The following RNF186 variants were observed in gnomAD, a reference collection of about 807,000 sequenced individuals.
The protein encoded by RNF186 is E3 ubiquitin-protein ligase RNF186.
For missense variants in RNF186, 298 were observed against 298.5 expected, an observed-to-expected ratio of 1.00 and a Z score of 0.01; for synonymous variants, 152 against 133.5, an observed-to-expected ratio of 1.14 and a Z score of -0.96.
Position 19,814,431 on chromosome 1 carries a change from G to A in RNF186, c.671C>T (p.Ser224Phe). ...FCREQKHSHI[S>F]SIA is the part of the protein sequence containing the mutation. ...ATCAGAGGGCACTCAGGCAATGGAA[G>A]AGATGTGGCTGTGTTTCTGCTCTCT... Residue 224 changes from serine (S) to phenylalanine (F), a missense_variant, in exon 1 of 1, where the codon TCT (serine) becomes TTT (phenylalanine). Physicochemically the swap from Ser to Phe is radical, Grantham distance 155. Transcript: ENST00000375121. The surrounding 1 kb of genome is among the most constrained non-coding windows in gnomAD (Gnocchi z 4.7). The A allele has an allele frequency of 6.2e-7, 1 of 1,613,942 alleles. No homozygotes were observed. The highest frequency in any genetic ancestry group is 8.5e-7 in the Non-Finnish European group (1 of 1,179,880).
chr1:19,814,351 G>A lies in RNF186; in HGVS notation c.*67C>T, dbSNP rs556183771. The A allele has an allele frequency of 1.1e-4, 162 of 1,445,454 alleles. No homozygotes were observed. In the African/African-American group the frequency reaches 2.0e-3, roughly 18 times the overall value. 89.5% of individuals were successfully genotyped at this position (1,445,454 alleles called of 1,614,324 possible). A position where few individuals can be genotyped will look rare whatever the true frequency, so the allele number is the denominator to read the frequency against. ...GTCTTAGTCCGTAACCCCTTACCCT[G>A]TTCATTGTGGAAGTCCGGGGGCCCA... is the stretch of plus-strand genomic sequence containing the variant. On this transcript the variant is annotated 3_prime_UTR_variant, in exon 1 of 1. Coordinates refer to ENST00000375121, the MANE Select transcript of RNF186 (RefSeq NM_019062.2). This position sits in a 1 kb window ranked among gnomAD's most constrained non-coding sequence, Gnocchi z 4.7.
In RNF186 at chr1:19,814,564, A is replaced by G. The variant is rs759767584; in HGVS notation, c.538T>C (p.Trp180Arg). Residue 180 changes from tryptophan to arginine, a missense_variant, in exon 1 of 1, where the codon TGG becomes CGG. Coordinates refer to ENST00000375121, the MANE Select transcript of RNF186 (RefSeq NM_019062.2). This position sits in a 1 kb window ranked among gnomAD's most constrained non-coding sequence, Gnocchi z 4.7. ...GPFIYPGVLR[W>R]VLTFIIALAL... ...AGGGCGATGATGAAGGTGAGCACCC[A>G]TCGTAAGACACCCGGGTAGATGAAG... is the stretch of plus-strand genomic sequence containing the variant. 5 of 1,614,184 alleles carry G rather than the reference A, an allele frequency of 3.1e-6. No individual in the cohort carries two copies. The highest frequency in any genetic ancestry group is 1.3e-5 in the African/African-American group (1 of 75,054).
Position 19,815,246 on chromosome 1 carries a change from T to C in RNF186, c.-145A>G. 1 of 663,302 alleles carries C rather than the reference T, an allele frequency of 1.5e-6. No individual in the cohort carries two copies. Among genetic ancestry groups the C allele is most frequent in the African/African-American group, 1.8e-5 (1 of 55,008 alleles). The allele number at this position is 663,302 out of a possible 1,614,324, so 41.1% of individuals were successfully genotyped here. On this transcript the variant is annotated 5_prime_UTR_variant, in exon 1 of 1. Transcript: ENST00000375121. Reference sequence around the variant, plus strand: ...CCTGTTGACAACAGCTGTCTGACACTCCTCTCTCCCAGAGCTGCCCAGCTT... The same window carrying C: ...CCTGTTGACAACAGCTGTCTGACACCCCTCTCTCCCAGAGCTGCCCAGCTT...
In RNF186 at chr1:19,814,685, C is replaced by A. The variant is rs2044701501; in HGVS notation, c.417G>T (p.Glu139Asp). The stretch of plus-strand genomic sequence containing the variant: ...TTGCACTTACTTCATCCTGTCCATC[C>A]TCTCCCACCAAGCTGGGGTGTCCTG... ...LAAGHPSLVG[E>D]DGQDEVSANH... Residue 139 changes from glutamate (E) to aspartate (D), a missense_variant, in exon 1 of 1, where the codon GAG (glutamate) becomes GAT (aspartate). Transcript: ENST00000375121. This position sits in a 1 kb window ranked among gnomAD's most constrained non-coding sequence, Gnocchi z 4.7. The A allele has an allele frequency of 6.8e-6, 11 of 1,614,236 alleles. No individual in the cohort carries two copies. The highest frequency in any genetic ancestry group is 8.5e-6 in the Non-Finnish European group (10 of 1,180,034).
rs772886340 is a variant in RNF186 at position 19,814,248 on chromosome 1, G to A, written c.*170C>T. 176 of 632,426 alleles carry A rather than the reference G, an allele frequency of 2.8e-4. 1 individual carries two copies. The highest frequency in any genetic ancestry group is 4.4e-4 in the Non-Finnish European group (160 of 364,838). 39.2% of individuals were successfully genotyped at this position (632,426 alleles called of 1,614,324 possible). On this transcript the variant is annotated 3_prime_UTR_variant, in exon 1 of 1. Transcript: ENST00000375121. The surrounding 1 kb of genome is among the most constrained non-coding windows in gnomAD (Gnocchi z 4.7). ...GCAAGTGCAAGCCTGTCATCCAAGC[G>A]TGTAATTCTTGACCCAGGCTGGCCA... is the stretch of plus-strand genomic sequence containing the variant.
Position 19,814,198 on chromosome 1 carries a change from C to A in RNF186, c.*220G>T. 2 of 532,490 alleles carry A rather than the reference C, an allele frequency of 3.8e-6. No individual in the cohort carries two copies. Among genetic ancestry groups the A allele is most frequent in the Non-Finnish European group, 6.7e-6 (2 of 299,516 alleles). The allele number at this position is 532,490 out of a possible 1,614,324, so 33.0% of individuals were successfully genotyped here. ...TTGTGTCTGCTCCCCTAGCCACCAA[C>A]AGTTTTAGCTATGCTATCCCAAGGG... On this transcript the variant is annotated 3_prime_UTR_variant, in exon 1 of 1. Transcript: ENST00000375121. This position sits in a 1 kb window ranked among gnomAD's most constrained non-coding sequence, Gnocchi z 4.7.
Position 19,814,248 on chromosome 1 carries a change from G to T in RNF186, c.*170C>A. 4 of 632,544 alleles carry T rather than the reference G, an allele frequency of 6.3e-6. No homozygotes were observed. Among genetic ancestry groups the T allele is most frequent in the Non-Finnish European group, 8.2e-6 (3 of 364,830 alleles). 39.2% of individuals were successfully genotyped at this position (632,544 alleles called of 1,614,324 possible). On this transcript the variant is annotated 3_prime_UTR_variant, in exon 1 of 1. Transcript: ENST00000375121. The surrounding 1 kb of genome is among the most constrained non-coding windows in gnomAD (Gnocchi z 4.7). ...GCAAGTGCAAGCCTGTCATCCAAGC[G>T]TGTAATTCTTGACCCAGGCTGGCCA...
chr1:19,814,919 G>T lies in RNF186; in HGVS notation c.183C>A (p.Ala61=). The change falls in exon 1 of 1, where the codon GCC becomes GCA. Residue 61 remains alanine, a synonymous_variant. Transcript: ENST00000375121. This position sits in a 1 kb window ranked among gnomAD's most constrained non-coding sequence, Gnocchi z 4.7. ...RLPKLLACQH[A]FCAICLKLLL... ...GGAGCTTCAGGCAGATGGCGCAGAA[G>T]GCATGCTGGCAGGCCAGCAGCTTGG... 6.2e-7 allele frequency: 1 copy of T among 1,613,962 alleles called. No individual in the cohort carries two copies. Among genetic ancestry groups the T allele is most frequent in the East Asian group, 2.2e-5 (1 of 44,878 alleles).
rs1196579396 is a variant in RNF186, at chr1:19,814,251, T to C, written c.*167A>G. 1.6e-6 allele frequency: 1 copy of C among 643,284 alleles called. No homozygotes were observed. The highest frequency in any genetic ancestry group is 2.7e-6 in the Non-Finnish European group (1 of 373,750). The allele number at this position is 643,284 out of a possible 1,614,324, so 39.8% of individuals were successfully genotyped here. A position where few individuals can be genotyped will look rare whatever the true frequency, so the allele number is the denominator to read the frequency against. On this transcript the variant is annotated 3_prime_UTR_variant, in exon 1 of 1. Coordinates refer to ENST00000375121, the MANE Select transcript of RNF186 (RefSeq NM_019062.2). The surrounding 1 kb of genome is among the most constrained non-coding windows in gnomAD (Gnocchi z 4.7). The stretch of plus-strand genomic sequence containing the variant: ...AGTGCAAGCCTGTCATCCAAGCGTG[T>C]AATTCTTGACCCAGGCTGGCCATCT...
At position 19,814,297 on chromosome 1, in the gene RNF186, C is replaced by G. The variant is rs926362130; in HGVS notation, c.*121G>C. ...CATCTCGGTTGTGGCTTGCAAGTCC[C>G]GCTGGCATGTGATTTCCCAAAGGAG... is the stretch of plus-strand genomic sequence containing the variant. On this transcript the variant is annotated 3_prime_UTR_variant, in exon 1 of 1. Transcript: ENST00000375121. This position sits in a 1 kb window ranked among gnomAD's most constrained non-coding sequence, Gnocchi z 4.7. 7 of 937,854 alleles carry G rather than the reference C, an allele frequency of 7.5e-6. No individual in the cohort carries two copies. In the East Asian group the frequency reaches 1.3e-4, roughly 18 times the overall value. The allele number at this position is 937,854 out of a possible 1,614,324, so 58.1% of individuals were successfully genotyped here.
chr1:19,815,037 G>C lies in RNF186; in HGVS notation c.65C>G (p.Thr22Ser), dbSNP rs1341175968. Reference protein sequence around the residue: ...PISAGATTTTTAVAPAGGHSG... With the variant: ...PISAGATTTTSAVAPAGGHSG... ...ATGACCCCCAGCAGGGGCCACAGCG[G>C]TGGTGGTTGTGGTGGCTCCTGCGGA... The change falls in exon 1 of 1, where the codon ACC (threonine) becomes AGC (serine). Residue 22 changes from threonine to serine, a missense_variant. Transcript: ENST00000375121. 1.9e-6 allele frequency: 3 copies of C among 1,614,046 alleles called. No individual in the cohort carries two copies. The highest frequency in any genetic ancestry group is 2.5e-6 in the Non-Finnish European group (3 of 1,180,014).
chr1:19,815,059 C>T lies in RNF186; in HGVS notation c.43G>A (p.Ala15Thr), dbSNP rs141102528. The T allele has an allele frequency of 1.8e-4, 292 of 1,613,910 alleles. 1 individual carries two copies. In the African/African-American group the frequency reaches 3.4e-3, roughly 19 times the overall value. Residue 15 changes from alanine (A) to threonine (T), a missense_variant, in exon 1 of 1, where the codon GCA becomes ACA. Coordinates refer to ENST00000375121, the MANE Select transcript of RNF186 (RefSeq NM_019062.2). ...GCGGTGGTGGTTGTGGTGGCTCCTG[C>T]GGAGATGGGCTGGGACTGTTGCAGG... ...KTLQQSQPISAGATTTTTAVA... is the reference protein window; with the variant it reads ...KTLQQSQPISTGATTTTTAVA...
rs143610472 is a variant in RNF186 at position 19,814,645 on chromosome 1, G to A, written c.457C>T (p.Arg153Trp). ...AGGAGTAGGTGCGCGGCCAGGCGCC[G>A]GGCTGCCACGTGGTTTGCACTTACT... ...DEVSANHVAARRLAAHLLLLA... is the reference protein window; with the variant it reads ...DEVSANHVAAWRLAAHLLLLA... The change falls in exon 1 of 1, where the codon CGG (arginine) becomes TGG (tryptophan). Residue 153 changes from arginine (R) to tryptophan (W), a missense_variant. Arg to Trp is a moderately radical substitution (Grantham distance 101). Coordinates refer to ENST00000375121, the MANE Select transcript of RNF186 (RefSeq NM_019062.2). The surrounding 1 kb of genome is among the most constrained non-coding windows in gnomAD (Gnocchi z 4.7). 277 of 1,614,166 alleles carry A rather than the reference G, an allele frequency of 1.7e-4. 1 individual carries two copies. The highest frequency in any genetic ancestry group is 1.0e-3 in the East Asian group (47 of 44,886).
In RNF186 at chr1:19,814,261, C is replaced by A. The variant is rs950176721; in HGVS notation, c.*157G>T. ...TGTCATCCAAGCGTGTAATTCTTGA[C>A]CCAGGCTGGCCATCTCGGTTGTGGC... is the stretch of plus-strand genomic sequence containing the variant. On this transcript the variant is annotated 3_prime_UTR_variant, in exon 1 of 1. Transcript: ENST00000375121. This position sits in a 1 kb window ranked among gnomAD's most constrained non-coding sequence, Gnocchi z 4.7. 2.4e-5 allele frequency: 16 copies of A among 673,998 alleles called. No homozygotes were observed. The highest frequency in any genetic ancestry group is 3.3e-5 in the Non-Finnish European group (13 of 399,294). The allele number at this position is 673,998 out of a possible 1,614,324, so 41.8% of individuals were successfully genotyped here.
chr1:19,814,807 G>C lies in RNF186; in HGVS notation c.295C>G (p.Leu99Val). 6.2e-7 allele frequency: 1 copy of C among 1,613,988 alleles called. No individual in the cohort carries two copies. The highest frequency in any genetic ancestry group is 8.5e-7 in the Non-Finnish European group (1 of 1,180,022). ...CCCACCACCGCCTCATGGTCGCGCA[G>C]GCTGCAGATGAGGCCCCCGGGGACG... ...TAVPGGLICSLRDHEAVVGQL... is the reference protein window; with the variant it reads ...TAVPGGLICSVRDHEAVVGQL... Residue 99 changes from leucine to valine, a missense_variant, in exon 1 of 1, where the codon CTG (leucine) becomes GTG (valine). Physicochemically the swap from Leu to Val is conservative, Grantham distance 32. Coordinates refer to ENST00000375121, the MANE Select transcript of RNF186 (RefSeq NM_019062.2). This position sits in a 1 kb window ranked among gnomAD's most constrained non-coding sequence, Gnocchi z 4.7.
chr1:19,815,042 G>A lies in RNF186; in HGVS notation c.60C>T (p.Thr20=), dbSNP rs555165614. 33 of 1,614,058 alleles carry A rather than the reference G, an allele frequency of 2.0e-5. No homozygotes were observed. In the Admixed American group the frequency reaches 5.3e-4, roughly 26 times the overall value. The part of the protein sequence containing the change: ...SQPISAGATT[T]TTAVAPAGGH... ...CCCCAGCAGGGGCCACAGCGGTGGT[G>A]GTTGTGGTGGCTCCTGCGGAGATGG... Residue 20 remains threonine (T), a synonymous_variant, in exon 1 of 1, where the codon ACC becomes ACT. Coordinates refer to ENST00000375121, the MANE Select transcript of RNF186 (RefSeq NM_019062.2).
rs374960430 is a variant in RNF186, at chr1:19,814,740, T to C, written c.362A>G (p.Gln121Arg). ...QPCTEVSLCP[Q>R]GLVDPADLAA... Reference sequence around the variant, plus strand: ...CAAGTCAGCAGGATCCACCAGCCCCTGAGGACAGAGCGATACCTCTGTGCA... The same window carrying C: ...CAAGTCAGCAGGATCCACCAGCCCCCGAGGACAGAGCGATACCTCTGTGCA... Residue 121 changes from glutamine to arginine, a missense_variant, in exon 1 of 1, where the codon CAG (glutamine) becomes CGG (arginine). Coordinates refer to ENST00000375121, the MANE Select transcript of RNF186 (RefSeq NM_019062.2). The surrounding 1 kb of genome is among the most constrained non-coding windows in gnomAD (Gnocchi z 4.7). 6.2e-7 allele frequency: 1 copy of C among 1,614,032 alleles called. No homozygotes were observed. Among genetic ancestry groups the C allele is most frequent in the African/African-American group, 1.3e-5 (1 of 74,912 alleles).
rs183471793 is a variant in RNF186 at position 19,814,158 on chromosome 1, T to C, written c.*260A>G. On this transcript the variant is annotated 3_prime_UTR_variant, in exon 1 of 1. Transcript: ENST00000375121. The surrounding 1 kb of genome is among the most constrained non-coding windows in gnomAD (Gnocchi z 4.7). The stretch of plus-strand genomic sequence containing the variant: ...AGGAACAGGAGCTTCCCCCATCTTG[T>C]CATGTTCAAGTAGTTTGTGTCTGCT... The C allele has an allele frequency of 8.8e-5, 40 of 456,934 alleles. No homozygotes were observed. The East Asian group carries it at 1.4e-3, about 16-fold the overall frequency. The allele number at this position is 456,934 out of a possible 1,614,324, so 28.3% of individuals were successfully genotyped here. A position where few individuals can be genotyped will look rare whatever the true frequency, so the allele number is the denominator to read the frequency against.
chr1:19,814,713 G>A lies in RNF186; in HGVS notation c.389C>T (p.Ala130Val), dbSNP rs1427400527. ...PQGLVDPADLAAGHPSLVGED... is the reference protein window; with the variant it reads ...PQGLVDPADLVAGHPSLVGED... ...TCCCACCAAGCTGGGGTGTCCTGCT[G>A]CCAAGTCAGCAGGATCCACCAGCCC... is the stretch of plus-strand genomic sequence containing the variant. The change falls in exon 1 of 1, where the codon GCA (alanine) becomes GTA (valine). Residue 130 changes from alanine to valine, a missense_variant. Physicochemically the swap from Ala to Val is moderately conservative, Grantham distance 64. Coordinates refer to ENST00000375121, the MANE Select transcript of RNF186 (RefSeq NM_019062.2). This position sits in a 1 kb window ranked among gnomAD's most constrained non-coding sequence, Gnocchi z 4.7. 1.2e-6 allele frequency: 2 copies of A among 1,614,168 alleles called. No individual in the cohort carries two copies.
Sources: allele counts gnomAD v4.1 joint callset, GRCh38; gene constraint gnomAD v4.1.1; non-coding constraint Gnocchi (gnomAD v3.1); transcripts MANE v1.5; gene names NCBI Gene and HGNC (gene_info 2026-07-23, HGNC 2026-07-21).